ANK2: variants seen among roughly 807,000 people sequenced by gnomAD.
ANK2 encodes ankyrin 2, also known as ankyrin-2.
ANK2 carries 83 observed loss-of-function variants against 360.5 expected under a neutral mutation model. That is an observed-to-expected ratio of 0.23 (90% confidence interval 0.19 to 0.28). ANK2 has a LOEUF of 0.28. ANK2 is among the 10% of genes least tolerant of loss of function. The pLI, the probability that ANK2 is intolerant of heterozygous loss-of-function variation, is 1.00. For synonymous variants in ANK2, 1,740 were observed against 1,759.5 expected (o/e 0.99, Z 0.28); for missense variants, 4,201 against 4,795.7 (o/e 0.88, Z 3.66).
intron 1 of ANK2, among the ~76,000 whole-genome samples, chr4:113,129,267 C>G (rs146520525): frequency 6.6e-6 from 1 of 152,096 alleles, no homozygotes; most frequent in Non-Finnish European, 1.5e-5. Context: ...AGTACAAAGG[C>G]AATCAGCAAT....
chr4:113,019,349 T>C (rs1202820018), intron 2 of ANK2, among the ~76,000 whole-genome samples: 1 of 152,224 alleles, frequency 6.6e-6, no homozygotes, highest in Non-Finnish European at 1.5e-5. Context: ...GCCCTAGGCA[T>C]ATACAAGTCA....
At chr4:112,790,640 C>T in the ANK2 span, among the ~76,000 whole-genome samples, 4 of 151,964 alleles carry the variant, frequency 2.6e-5, no homozygotes, top group Non-Finnish European at 5.9e-5. Context: ...ATGTGCATGC[C>T]ACCACGCCGG....
chr4:112,870,540 C>A (rs2072584324), intron 1 of ANK2, among the ~76,000 whole-genome samples: 1 of 152,068 alleles, frequency 6.6e-6, no homozygotes, highest in Non-Finnish European at 1.5e-5. Flanking sequence ...TTCAGTTGTC[C>A]CAACACTATT....
upstream of ANK2, among the ~76,000 whole-genome samples, chr4:113,045,183 T>C (rs2063967236): frequency 6.6e-6 from 1 of 152,182 alleles, no homozygotes. Context: ...TTAATACTAT[T>C]AACACTCATG....
At chr4:113,372,866 C>T (rs374295292) in intron 43 of ANK2, among the ~76,000 whole-genome samples, 9 of 152,190 alleles carry the variant, frequency 5.9e-5, no homozygotes, top group African/African-American at 1.2e-4. Context: ...CCTCACCTCT[C>T]GCTTTTCTAT....
chr4:112,955,631 T>TG (rs1465258189), intron 2 of ANK2, among the ~76,000 whole-genome samples: 1 of 152,104 alleles, frequency 6.6e-6, no homozygotes, highest in East Asian at 1.9e-4. Flanking sequence ...AAGCCTAATA[T>TG]GATGGGATTC....
At chr4:113,102,178 A>G (rs564826776) in intron 1 of ANK2, among the ~76,000 whole-genome samples, 1 of 152,176 alleles carries the variant, frequency 6.6e-6, no homozygotes, top group South Asian at 2.1e-4. Context: ...CCTGGTGAGC[A>G]GCAGCGGTGG....
intron 45 of ANK2, among the ~76,000 whole-genome samples, chr4:113,376,179 C>A (rs1589396441): frequency 6.6e-6 from 1 of 152,132 alleles, no homozygotes. Flanking sequence ...ACAACTTTGT[C>A]ATTGTGTGAA....
At chr4:112,749,101 T>A in the ANK2 span, among the ~76,000 whole-genome samples, 1 of 151,926 alleles carries the variant, frequency 6.6e-6, no homozygotes, top group Non-Finnish European at 1.5e-5. Context: ...GGTTTGGCCA[T>A]GTTAGCCAGG....
chr4:112,746,303 T>A, the ANK2 span, among the ~76,000 whole-genome samples: 1 of 151,928 alleles, frequency 6.6e-6, no homozygotes, highest in Non-Finnish European at 1.5e-5. Context: ...GCTTTCTTAG[T>A]GCTTACATAT....
chr4:112,738,817 T>G, the ANK2 span: 1 of 628,068 alleles, frequency 1.6e-6, no homozygotes, highest in Non-Finnish European at 3.0e-6. Flanking sequence ...CATAGAAGGT[T>G]CAAGGCCCAG....
intron 2 of ANK2, among the ~76,000 whole-genome samples, chr4:112,943,348 C>G (rs888620951): frequency 1.3e-5 from 2 of 151,976 alleles, no homozygotes; most frequent in African/African-American, 2.4e-5. Flanking sequence ...TCCCTCCCTG[C>G]CTCTCTCCAT....
Position 113,367,492 on chromosome 4 carries a change from A to G in ANK2, c.11033-74A>G, listed in dbSNP as rs1266857837. On this transcript the variant is annotated intron_variant, in intron 41 of 45. Transcript: ENST00000357077. ...ATCTTCTTATTTTTTTTATCCTCTT[A>G]TATTTATTACTTAATAAATATCCAT... is the stretch of plus-strand genomic sequence containing the variant. 2.0e-5 allele frequency: 28 copies of G among 1,378,156 alleles called. No homozygotes were observed. The South Asian group carries it at 2.5e-4, about 13-fold the overall frequency. 85.4% of individuals were successfully genotyped at this position (1,378,156 alleles called of 1,614,324 possible).
In ANK2 at chr4:113,346,094, T is replaced by C; in HGVS notation, c.4371+72T>C. On this transcript the variant is annotated intron_variant, in intron 35 of 45. Transcript: ENST00000357077. ...ATTTTTAAATCTTGTTTTAGGTCAG[T>C]GCAAAAGTAATGGCAAAAACAGCAA... is the stretch of plus-strand genomic sequence containing the variant. The C allele has an allele frequency of 1.9e-6, 3 of 1,581,994 alleles. No individual in the cohort carries two copies. In the South Asian group the frequency reaches 3.3e-5, roughly 18 times the overall value.
chr4:113,003,548 A>G (rs1284094053), intron 2 of ANK2, among the ~76,000 whole-genome samples: 4 of 152,234 alleles, frequency 2.6e-5, no homozygotes, highest in Non-Finnish European at 5.9e-5. Context: ...AGACAAATCA[A>G]TGCAACAGAA....
At chr4:113,015,716 C>T (rs926620993) in intron 2 of ANK2, among the ~76,000 whole-genome samples, 1 of 152,034 alleles carries the variant, frequency 6.6e-6, no homozygotes, top group African/African-American at 2.4e-5. Context: ...AGTATAAAAA[C>T]CTTATAGATT....
intron 2 of ANK2, among the ~76,000 whole-genome samples, chr4:112,917,507 A>T (rs2090236875): frequency 1.3e-5 from 2 of 152,246 alleles, no homozygotes; most frequent in South Asian, 2.1e-4. Context: ...AGCTCAGTTC[A>T]TGAGGGACCT....
chr4:112,994,689 A>G (rs938550895), intron 2 of ANK2, among the ~76,000 whole-genome samples: 4 of 152,136 alleles, frequency 2.6e-5, no homozygotes, highest in African/African-American at 9.7e-5. Flanking sequence ...GGTTTGGGGC[A>G]TGAATGATCC....
At chr4:112,980,510 T>TTCC (rs1281511611) in intron 2 of ANK2, 1 of 152,262 alleles carries the variant, frequency 6.6e-6, no homozygotes, top group Non-Finnish European at 1.5e-5. Flanking sequence ...GGGCTGTCTC[T>TTCC]GCCATCAACA....
Sources: allele counts gnomAD v4.1 joint callset (sites outside exome capture counted in the v4.1 genomes callset), GRCh38; gene constraint gnomAD v4.1.1; transcripts MANE v1.5; gene names NCBI Gene and HGNC (gene_info 2026-07-23, HGNC 2026-07-21).